Variants in LOC400499 observed in about 807,000 individuals in gnomAD.
At chr16:11,509,084 C>T in the LOC400499 span, among the ~76,000 whole-genome samples, 1 of 151,848 alleles carries the variant, frequency 6.6e-6, no homozygotes, top group South Asian at 2.1e-4. Context: ...AACTGTGGGC[C>T]ACTCACATCA....
chr16:11,430,355 T>A, the LOC400499 span, among the ~76,000 whole-genome samples: 1 of 152,110 alleles, frequency 6.6e-6, no homozygotes, highest in African/African-American at 2.4e-5. Flanking sequence ...CCAGGTGTGA[T>A]GCTGTGTTCC....
chr16:11,500,774 CG>C, the LOC400499 span: 1 of 399,042 alleles, frequency 2.5e-6, no homozygotes, highest in Non-Finnish European at 4.4e-6. Context: ...GGGAGGACAC[CG>C]GGGCCCCGGG....
chr16:11,462,257 A>T, the LOC400499 span: 4 of 1,527,340 alleles, frequency 2.6e-6, no homozygotes, highest in Non-Finnish European at 3.5e-6. Flanking sequence ...CTGCGCCTGG[A>T]ACCGCTCAGC....
the LOC400499 span, among the ~76,000 whole-genome samples, chr16:11,428,919 C>T: frequency 6.6e-6 from 1 of 151,494 alleles, no homozygotes; most frequent in South Asian, 2.1e-4. Context: ...TGCTTGCAAT[C>T]TTGCATGGGA....
the LOC400499 span, chr16:11,491,608 G>C: frequency 2.9e-5 from 11 of 378,314 alleles, no homozygotes; most frequent in African/African-American, 4.2e-5. Context: ...GGTGGAGGGA[G>C]AGGATGCTCT....
the LOC400499 span, among the ~76,000 whole-genome samples, chr16:11,494,226 G>A: frequency 4.0e-5 from 6 of 149,824 alleles, no homozygotes; most frequent in African/African-American, 9.9e-5. Context: ...CCACCTTCTC[G>A]GGGTAGGGGC....
chr16:11,407,139 A>G, the LOC400499 span: 3 of 398,358 alleles, frequency 7.5e-6, no homozygotes, highest in East Asian at 1.1e-4. Flanking sequence ...CTTTTCTCAA[A>G]GGGCTGTCCC....
chr16:11,412,117 G>T, the LOC400499 span, among the ~76,000 whole-genome samples: 2 of 151,920 alleles, frequency 1.3e-5, no homozygotes, highest in African/African-American at 4.8e-5. Flanking sequence ...CTCCCACCTC[G>T]ACCTCCCAAA....
chr16:11,381,588 C>A, the LOC400499 span, among the ~76,000 whole-genome samples: 1 of 152,226 alleles, frequency 6.6e-6, no homozygotes, highest in South Asian at 2.1e-4. Context: ...AGCAGGAAAG[C>A]AGCCATAGAC....
the LOC400499 span, among the ~76,000 whole-genome samples, chr16:11,463,780 T>C: frequency 6.6e-6 from 1 of 152,128 alleles, no homozygotes; most frequent in Non-Finnish European, 1.5e-5. Context: ...TATATACAGA[T>C]GTGTCTACAT....
the LOC400499 span, among the ~76,000 whole-genome samples, chr16:11,432,512 C>T: frequency 6.6e-6 from 1 of 152,176 alleles, no homozygotes; most frequent in Admixed American, 6.5e-5. Context: ...TTAGCAGTAC[C>T]TAAAGCATAG....
the LOC400499 span, among the ~76,000 whole-genome samples, chr16:11,500,329 G>C: frequency 6.6e-6 from 1 of 151,894 alleles, no homozygotes; most frequent in Non-Finnish European, 1.5e-5. Flanking sequence ...CCAACATGGC[G>C]AAACCCCGTC....
chr16:11,423,352 T>A, the LOC400499 span: 2 of 398,420 alleles, frequency 5.0e-6, no homozygotes, highest in Non-Finnish European at 8.9e-6. Context: ...CCGCCACCCT[T>A]TGGGGAAGCC....
chr16:11,460,165 G>T, the LOC400499 span: 2 of 957,570 alleles, frequency 2.1e-6, no homozygotes, highest in East Asian at 3.1e-5. Context: ...CAGAAGAGAC[G>T]GTTCTGTAGA....
chr16:11,503,328 C>G, the LOC400499 span, among the ~76,000 whole-genome samples: 3 of 152,174 alleles, frequency 2.0e-5, no homozygotes, highest in Non-Finnish European at 4.4e-5. Flanking sequence ...ATAAAGGACT[C>G]TACTCAGAGA....
the LOC400499 span, among the ~76,000 whole-genome samples, chr16:11,418,934 G>T: frequency 6.6e-6 from 1 of 152,218 alleles, no homozygotes; most frequent in Admixed American, 6.5e-5. Context: ...GGGAGGCAAA[G>T]GCGGACAGAT....
the LOC400499 span, among the ~76,000 whole-genome samples, chr16:11,426,896 C>CA: frequency 0.37 from 39,370 of 105,752 alleles, 8,717 homozygotes; most frequent in East Asian, 0.7. Context: ...GACCCCATCT[C>CA]AAAAAAAAAA....
At chr16:11,389,065 C>T in the LOC400499 span, among the ~76,000 whole-genome samples, 1 of 152,152 alleles carries the variant, frequency 6.6e-6, no homozygotes, top group Non-Finnish European at 1.5e-5. Flanking sequence ...CCAGCCTGGG[C>T]AACAAAGAAC....
the LOC400499 span, among the ~76,000 whole-genome samples, chr16:11,475,296 T>C: frequency 6.6e-6 from 1 of 152,152 alleles, no homozygotes; most frequent in African/African-American, 2.4e-5. Flanking sequence ...AACCTGCATG[T>C]TCTGCACATG....
Sources: allele counts gnomAD v4.1 joint callset (sites outside exome capture counted in the v4.1 genomes callset), GRCh38; gene constraint gnomAD v4.1.1; transcripts MANE v1.5.